EXOC2: variants seen among roughly 807,000 people sequenced by gnomAD.
EXOC2 encodes exocyst complex component 2.
A neutral mutation model predicts 131.8 loss-of-function variants in EXOC2; 70 were observed. The ratio of observed to expected loss-of-function variants is 0.53; its 90% CI spans 0.44 to 0.65. EXOC2 has a LOEUF of 0.65. Ranked by LOEUF, EXOC2 falls within the 30% of genes least tolerant of loss-of-function variation. EXOC2 has a pLI of 0.00. For synonymous variants in EXOC2, 411 were observed against 398.4 expected (o/e 1.03, Z -0.38); for missense variants, 923 against 1,108.6 (o/e 0.83, Z 2.38).
At chr6:541,224 C>T (rs6903854) in intron 22 of EXOC2, among the ~76,000 whole-genome samples, 1 of 152,138 alleles carries the variant, frequency 6.6e-6, no homozygotes, top group African/African-American at 2.4e-5. Context: ...TAAAATCATA[C>T]TTCTAGCCAA....
intron 7 of EXOC2, among the ~76,000 whole-genome samples, chr6:599,854 G>GT (rs11354127): frequency 0.073 from 10,581 of 145,820 alleles, 549 homozygotes; most frequent in South Asian, 0.2. Flanking sequence ...CATTTCCTAA[G>GT]TTTTTTTTTT....
chr6:633,148 T>C (rs766349741), intron 2 of EXOC2, 31 bp from the exon 3 acceptor site: 6 of 1,603,970 alleles, frequency 3.7e-6, no homozygotes, highest in South Asian at 1.1e-5. Flanking sequence ...ATAACAAAAT[T>C]CAAAGACAAG....
intron 25 of EXOC2, 68 bp from the exon 26 acceptor site, chr6:491,254 G>T (rs1027786537): frequency 6.6e-7 from 1 of 1,525,960 alleles, no homozygotes; most frequent in Non-Finnish European, 9.1e-7. Flanking sequence ...CAAGTACTAA[G>T]GTTAAGGGTC....
intron 17 of EXOC2, among the ~76,000 whole-genome samples, chr6:560,978 G>A (rs1049202974): frequency 6.6e-6 from 1 of 151,862 alleles, no homozygotes; most frequent in East Asian, 1.9e-4. Flanking sequence ...AAAGTGCTGG[G>A]ATTACAGGCA....
intron 11 of EXOC2, among the ~76,000 whole-genome samples, chr6:589,079 T>G (rs1759377600): frequency 6.6e-6 from 1 of 152,252 alleles, no homozygotes. Context: ...TCATACCAAA[T>G]TAGGTATTCA....
Position 499,712 on chromosome 6 carries a change from A to G in EXOC2, c.2381-12T>C, listed in dbSNP as rs1763936213. On this transcript the variant is annotated splice_polypyrimidine_tract_variant and intron_variant, in intron 23 of 27. Transcript: ENST00000230449. ...ATAGTTTCTGACACCTGAAATTGAAATAAAGGAGAGAAAGAAGGCATTAAT... is the reference window on the plus strand; with the variant it reads ...ATAGTTTCTGACACCTGAAATTGAAGTAAAGGAGAGAAAGAAGGCATTAAT... The G allele has an allele frequency of 6.2e-7, 1 of 1,611,804 alleles. No homozygotes were observed. Among genetic ancestry groups the G allele is most frequent in the South Asian group, 1.1e-5 (1 of 91,032 alleles).
At chr6:656,813 C>T in intron 1 of EXOC2, 1 of 1,608,744 alleles carries the variant, frequency 6.2e-7, no homozygotes, top group Non-Finnish European at 8.5e-7. Context: ...CGCCGGAACC[C>T]GCGGGGCCGA....
At chr6:631,179 C>T (rs986271336) in intron 3 of EXOC2, among the ~76,000 whole-genome samples, 6 of 152,212 alleles carry the variant, frequency 3.9e-5, no homozygotes. Flanking sequence ...TCTCTCAGCA[C>T]TCGTGGTTCT....
intron 11 of EXOC2, among the ~76,000 whole-genome samples, chr6:589,442 T>A (rs955818749): frequency 6.6e-6 from 1 of 152,188 alleles, no homozygotes; most frequent in Non-Finnish European, 1.5e-5. Flanking sequence ...ACTGTCGTTG[T>A]TTAGGTTCAA....
At chr6:643,075 A>G (rs1309212678) in intron 1 of EXOC2, among the ~76,000 whole-genome samples, 3 of 152,246 alleles carry the variant, frequency 2.0e-5, no homozygotes, top group Non-Finnish European at 2.9e-5. Context: ...AGACATAACA[A>G]TCAAAACTGT....
intron 7 of EXOC2, among the ~76,000 whole-genome samples, chr6:608,607 AC>A (rs1321661226): frequency 2.6e-5 from 4 of 152,296 alleles, no homozygotes; most frequent in Non-Finnish European, 4.4e-5. Context: ...AATTTTTAAT[AC>A]CCCAAGTCCC....
At chr6:593,898 T>C (rs1759675591) in intron 10 of EXOC2, among the ~76,000 whole-genome samples, 1 of 152,234 alleles carries the variant, frequency 6.6e-6, no homozygotes. Context: ...CTTTGTAATA[T>C]GTTAGCAACA....
At chr6:560,653 C>T (rs1270974345) in intron 17 of EXOC2, among the ~76,000 whole-genome samples, 1 of 151,772 alleles carries the variant, frequency 6.6e-6, no homozygotes, top group East Asian at 1.9e-4. Flanking sequence ...AGACTAGTCA[C>T]TATTTAAATA....
intron 4 of EXOC2, among the ~76,000 whole-genome samples, chr6:626,889 G>A (rs6902262): frequency 0.15 from 22,795 of 152,048 alleles, 1,919 homozygotes; most frequent in African/African-American, 0.18. Flanking sequence ...CACCACGCCC[G>A]GCCGCAAACT....
chr6:549,313 A>T, intron 21 of EXOC2, 22 bp from the exon 22 acceptor site: 1 of 1,562,190 alleles, frequency 6.4e-7, no homozygotes, highest in Non-Finnish European at 8.8e-7. Flanking sequence ...ACAAATGTTT[A>T]GAAAATCACC....
chr6:500,454 T>C (rs2127482155), intron 23 of EXOC2, among the ~76,000 whole-genome samples: 1 of 152,322 alleles, frequency 6.6e-6, no homozygotes. Context: ...CAGCTGCTAG[T>C]TGTGACTTTT....
At chr6:524,880 T>A (rs1765657794) in intron 23 of EXOC2, 2 of 25,520 alleles carry the variant, frequency 7.8e-5, no homozygotes, top group Non-Finnish European at 1.3e-4. Context: ...TAGATTCAAG[T>A]TTCCATCGAG....
At position 578,957 on chromosome 6, in the gene EXOC2, T is replaced by C. The variant is rs909345402; in HGVS notation, c.1193-2075A>G. ...AAAATATGAATTTTCTAACATACTT[T>C]AAAGAGAAAAATAAAGGGGCCCAAA... On this transcript the variant is annotated intron_variant, in intron 11 of 27. Transcript: ENST00000230449. 2.0e-5 allele frequency among the ~76,000 whole-genome samples: 3 copies of C among 152,100 alleles called. No homozygotes were observed. In the South Asian group the frequency reaches 6.2e-4, roughly 32 times the overall value.
chr6:616,344 C>T lies in EXOC2; in HGVS notation c.661+1367G>A, dbSNP rs566253748. Among the ~76,000 whole-genome samples, 5 of 152,326 alleles carry T rather than the reference C, an allele frequency of 3.3e-5. No homozygotes were observed. The East Asian group carries it at 9.7e-4, about 29-fold the overall frequency. On this transcript the variant is annotated intron_variant, in intron 6 of 27. Coordinates refer to ENST00000230449, the MANE Select transcript of EXOC2 (RefSeq NM_018303.6). ...TTCTGCCGGGCGCGGTGGCTCACGC[C>T]TGTAATCCCAGCACTTTGGGAGGCC...
Sources: gnomAD v4.1 joint callset for allele counts (sites outside exome capture counted in the v4.1 genomes callset) on GRCh38, gnomAD v4.1.1 for gene constraint, MANE v1.5 for transcripts, NCBI Gene and HGNC (gene_info 2026-07-23, HGNC 2026-07-21) for gene names.